ZMIZ1: variants seen among roughly 807,000 people sequenced by gnomAD.
ZMIZ1 encodes the protein zinc finger MIZ-type containing 1.
ZMIZ1 carries 17 observed loss-of-function variants against 113.9 expected under a neutral mutation model. The ratio of observed to expected loss-of-function variants is 0.15; its 90% CI spans 0.10 to 0.22. The LOEUF (loss-of-function observed/expected upper bound fraction) is 0.22, where lower values mean the gene tolerates loss of function less well. Among genes scored for constraint, ZMIZ1 ranks in the 10% least tolerant of loss-of-function variants. The pLI is 1.00. For missense variants in ZMIZ1, 1,059 were observed against 1,477.8 expected, an observed-to-expected ratio of 0.72 and a Z score of 4.65; for synonymous variants, 607 against 603.1, an observed-to-expected ratio of 1.01 and a Z score of -0.09.
intron 1 of ZMIZ1, among the ~76,000 whole-genome samples, chr10:79,112,811 C>G (rs985275949): frequency 6.6e-6 from 1 of 152,218 alleles, no homozygotes; most frequent in Non-Finnish European, 1.5e-5. Flanking sequence ...TTATATCTTT[C>G]ACAACTTAGC....
chr10:79,262,813 C>A (rs1161312304), intron 7 of ZMIZ1, among the ~76,000 whole-genome samples: 1 of 152,210 alleles, frequency 6.6e-6, no homozygotes. Context: ...GGAGACCAGT[C>A]TGGTGTTTGG....
At chr10:79,251,538 A>T (rs1349522663) in intron 7 of ZMIZ1, among the ~76,000 whole-genome samples, 1 of 151,870 alleles carries the variant, frequency 6.6e-6, no homozygotes, top group African/African-American at 2.4e-5. Context: ...CACCCCATAC[A>T]TCTGTTGGGG....
intron 2 of ZMIZ1, among the ~76,000 whole-genome samples, chr10:79,127,360 G>C (rs756721611): frequency 1.3e-5 from 2 of 152,152 alleles, no homozygotes; most frequent in Non-Finnish European, 2.9e-5. Context: ...GGGCTCCTTG[G>C]ACTACAAGTC....
chr10:79,081,645 A>G (rs56094678), intron 1 of ZMIZ1, among the ~76,000 whole-genome samples: 19,944 of 152,166 alleles, frequency 0.13, 1,437 homozygotes, highest in East Asian at 0.2. Context: ...CCAGCTCCTT[A>G]CTGAGCTCCT....
At chr10:79,150,779 C>A (rs2132450616) in intron 3 of ZMIZ1, among the ~76,000 whole-genome samples, 1 of 152,300 alleles carries the variant, frequency 6.6e-6, no homozygotes, top group East Asian at 1.9e-4. Flanking sequence ...GGAGCCCCTT[C>A]TCTCATCTCC....
chr10:79,208,520 G>C (rs1173941047), intron 6 of ZMIZ1, 71 bp downstream of exon 6: 1 of 1,316,824 alleles, frequency 7.6e-7, no homozygotes. Flanking sequence ...GCCTGTCCAG[G>C]TTTCAGAGAG....
intron 4 of ZMIZ1, among the ~76,000 whole-genome samples, chr10:79,201,034 G>A (rs138230498): frequency 0.012 from 1,879 of 152,246 alleles, 10 homozygotes; most frequent in Non-Finnish European, 0.019. Context: ...CTGGCTGGGC[G>A]TGGTGGCTCA....
At chr10:79,239,124 A>T (rs1849708594) in intron 7 of ZMIZ1, among the ~76,000 whole-genome samples, 1 of 152,072 alleles carries the variant, frequency 6.6e-6, no homozygotes, top group Admixed American at 6.5e-5. Context: ...CAGTGTCATA[A>T]AGACACATGA....
At chr10:79,243,025 G>A (rs1311325322) in intron 7 of ZMIZ1, among the ~76,000 whole-genome samples, 2 of 151,470 alleles carry the variant, frequency 1.3e-5, no homozygotes, top group East Asian at 3.9e-4. Flanking sequence ...CTCGCGGGGC[G>A]GGGAGGGCGC....
In ZMIZ1 at chr10:79,296,625, C is replaced by A; in HGVS notation, c.1385C>A (p.Pro462His). The change falls in exon 13 of 25, where the codon CCC becomes CAC. Residue 462 changes from proline to histidine, a missense_variant. By Grantham distance (77) the Pro-to-His change is moderately conservative. Around this residue, in one of 6 missense-constraint regions of ZMIZ1, gnomAD observed 239 missense variants for 247.5 expected, o/e 0.97. Transcript: ENST00000334512. The surrounding 1 kb of genome is among the most constrained non-coding windows in gnomAD (Gnocchi z 4.1). ...CCGAGCTCCGGGCAGTACCCGCCCC[C>A]CACGGTCAACATGGGGCAGTATTAC... The part of the protein sequence containing the change: ...SQPSSGQYPP[P>H]TVNMGQYYKP... The A allele has an allele frequency of 6.3e-7, 1 of 1,588,298 alleles. No homozygotes were observed. The highest frequency in any genetic ancestry group is 8.6e-7 in the Non-Finnish European group (1 of 1,166,388).
chr10:79,159,481 T>C (rs1047957102), intron 3 of ZMIZ1, among the ~76,000 whole-genome samples: 4 of 152,196 alleles, frequency 2.6e-5, no homozygotes, highest in Non-Finnish European at 5.9e-5. Flanking sequence ...CTCCGGCTGG[T>C]TGCCGCATAG....
rs1256284903 is a variant in ZMIZ1 at position 79,313,612 on chromosome 10, C to G, written c.*863C>G. 1.7e-5 allele frequency: 4 copies of G among 233,180 alleles called. No individual in the cohort carries two copies. Among genetic ancestry groups the G allele is most frequent in the Non-Finnish European group, 3.4e-5 (4 of 117,134 alleles). 14.4% of individuals were successfully genotyped at this position (233,180 alleles called of 1,614,324 possible). Reference sequence around the variant, plus strand: ...TGGTTGGGGGGCGCGGGCATATAACCTGTCAGAAGCAAACAGGAGCGGCAA... The same window carrying G: ...TGGTTGGGGGGCGCGGGCATATAACGTGTCAGAAGCAAACAGGAGCGGCAA... On this transcript the variant is annotated 3_prime_UTR_variant, in exon 25 of 25. Coordinates refer to ENST00000334512, the MANE Select transcript of ZMIZ1 (RefSeq NM_020338.4).
intron 7 of ZMIZ1, among the ~76,000 whole-genome samples, chr10:79,238,105 A>T (rs1207939964): frequency 1.3e-5 from 2 of 152,054 alleles, no homozygotes; most frequent in African/African-American, 4.8e-5. Flanking sequence ...CAGGTAGCTG[A>T]GCAGGCTCCT....
chr10:79,094,219 G>A (rs956315088), intron 1 of ZMIZ1, among the ~76,000 whole-genome samples: 2 of 152,106 alleles, frequency 1.3e-5, no homozygotes, highest in African/African-American at 2.4e-5. Flanking sequence ...GGGTGAGTCC[G>A]GCTGCAGCCG....
intron 2 of ZMIZ1, among the ~76,000 whole-genome samples, chr10:79,139,134 G>A (rs1845148528): frequency 6.6e-6 from 1 of 152,192 alleles, no homozygotes; most frequent in Non-Finnish European, 1.5e-5. Flanking sequence ...TTCCCGAGGT[G>A]CGTACACACA....
intron 1 of ZMIZ1, among the ~76,000 whole-genome samples, chr10:79,072,484 C>T (rs962241295): frequency 7.9e-5 from 12 of 152,208 alleles, no homozygotes; most frequent in Non-Finnish European, 1.8e-4. Flanking sequence ...GGAAGGAAGG[C>T]ACTTTGAGGC....
chr10:79,227,120 A>T (rs1849228337), intron 7 of ZMIZ1, among the ~76,000 whole-genome samples: 1 of 152,186 alleles, frequency 6.6e-6, no homozygotes, highest in South Asian at 2.1e-4. Context: ...AGAACATTCA[A>T]CCCCAAAGCC....
chr10:79,306,356 CAGGCAGGG>C lies in ZMIZ1; in HGVS notation c.2668+16_2668+23del. Reference sequence around the variant, plus strand: ...CTACAGCAGCCAAGGTGGGTGATGCCAGGCAGGGAGGAAGGGAGAAGGAGGGCAGCCCC... The same window carrying C: ...CTACAGCAGCCAAGGTGGGTGATGCCAGGAAGGGAGAAGGAGGGCAGCCCC... On this transcript the variant is annotated intron_variant, in intron 22 of 24. Coordinates refer to ENST00000334512, the MANE Select transcript of ZMIZ1 (RefSeq NM_020338.4). 1 of 1,605,740 alleles carries C rather than the reference CAGGCAGGG, an allele frequency of 6.2e-7. No individual in the cohort carries two copies. Among genetic ancestry groups the C allele is most frequent in the African/African-American group, 1.3e-5 (1 of 75,056 alleles).
At chr10:79,141,986 A>G (rs1016974839) in intron 3 of ZMIZ1, among the ~76,000 whole-genome samples, 38 of 152,176 alleles carry the variant, frequency 2.5e-4, no homozygotes, top group Admixed American at 4.6e-4. Context: ...GAAGCCATCA[A>G]AGGCTGAATA....
Sources: allele counts gnomAD v4.1 joint callset (sites outside exome capture counted in the v4.1 genomes callset), GRCh38; gene constraint gnomAD v4.1.1; regional missense constraint gnomAD v4.1.1; non-coding constraint Gnocchi (gnomAD v3.1); transcripts MANE v1.5; gene names NCBI Gene and HGNC (gene_info 2026-07-23, HGNC 2026-07-21).